The following JAM3 variants were observed in gnomAD, a reference collection of about 807,000 sequenced individuals.
JAM3 encodes the protein junctional adhesion molecule C.
JAM3 carries 31 observed loss-of-function variants against 39.4 expected under a neutral mutation model. The observed-to-expected ratio is 0.79, with a 90% CI of 0.59 to 1.06. The LOEUF is 1.06. Ranked by LOEUF, JAM3 falls within the 50% of genes least tolerant of loss-of-function variation. The pLI is 0.00. For missense variants in JAM3, 455 were observed against 391.4 expected, an observed-to-expected ratio of 1.16 and a Z score of -1.37; for synonymous variants, 182 against 148.7, an observed-to-expected ratio of 1.22 and a Z score of -1.63.
At chr11:134,139,617 G>A (rs1942937727) in intron 1 of JAM3, 4 of 547,762 alleles carry the variant, frequency 7.3e-6, no homozygotes, top group East Asian at 6.5e-5. Context: ...GGACTAAAAA[G>A]GAGAAGGAAT....
rs1008678716 is a variant in JAM3 at position 134,069,078 on chromosome 11, C to T, written c.-6C>T. 2.5e-6 allele frequency: 4 copies of T among 1,610,294 alleles called. No homozygotes were observed. Among genetic ancestry groups the T allele is most frequent in the East Asian group, 2.2e-5 (1 of 44,708 alleles). On this transcript the variant is annotated 5_prime_UTR_variant, in exon 1 of 9. Transcript: ENST00000299106. The stretch of plus-strand genomic sequence containing the variant: ...CGCTGCCGCTGGCCCCTCAGCAACC[C>T]TCGACATGGCGCTGAGGCGGCCACC...
intron 1 of JAM3, among the ~76,000 whole-genome samples, chr11:134,130,236 C>A (rs1942743070): frequency 6.6e-6 from 1 of 152,166 alleles, no homozygotes; most frequent in Non-Finnish European, 1.5e-5. Context: ...AGAATGAGAG[C>A]TCCGTTATCA....
intron 1 of JAM3, chr11:134,123,827 C>T: frequency 1.3e-6 from 1 of 775,250 alleles, no homozygotes. Context: ...TTTCTTTCTA[C>T]TGAACACAGC....
intron 1 of JAM3, among the ~76,000 whole-genome samples, chr11:134,077,036 T>C (rs943419817): frequency 1.3e-5 from 2 of 152,120 alleles, no homozygotes; most frequent in Non-Finnish European, 2.9e-5. Flanking sequence ...GGTTTTGCCA[T>C]GTTGGCCAGG....
chr11:134,077,095 A>G (rs997800024), intron 1 of JAM3, among the ~76,000 whole-genome samples: 1 of 152,006 alleles, frequency 6.6e-6, no homozygotes, highest in Non-Finnish European at 1.5e-5. Flanking sequence ...TTGGCCTCCT[A>G]AAGTGCTGGG....
At chr11:134,106,127 C>T (rs1328244040) in intron 1 of JAM3, among the ~76,000 whole-genome samples, 1 of 152,192 alleles carries the variant, frequency 6.6e-6, no homozygotes, top group Non-Finnish European at 1.5e-5. Context: ...ACCAAAACAG[C>T]ATGGTACTGG....
intron 1 of JAM3, 34 bp downstream of exon 1, chr11:134,069,193 G>A: frequency 6.2e-7 from 1 of 1,607,242 alleles, no homozygotes; most frequent in African/African-American, 1.3e-5. Context: ...TGGGAGACTA[G>A]GGTCTGGGGG....
chr11:134,088,399 T>A (rs1056720980), intron 1 of JAM3, among the ~76,000 whole-genome samples: 4 of 152,162 alleles, frequency 2.6e-5, no homozygotes, highest in South Asian at 2.1e-4. Flanking sequence ...CAACATTTTT[T>A]TTTTTATTTT....
chr11:134,129,140 G>A (rs112383736), intron 1 of JAM3, among the ~76,000 whole-genome samples: 1 of 96,084 alleles, frequency 1.0e-5, no homozygotes. Flanking sequence ...TTTTTTTTTT[G>A]ACAGAGTCTC....
chr11:134,148,804 CG>C lies in JAM3; in HGVS notation c.884del (p.Arg295ProfsTer15). On this transcript the variant is annotated frameshift_variant, in exon 8 of 9. Transcript: ENST00000299106. LOFTEE classifies it high-confidence loss of function. ...PGKPDGVNYI[R>X]TDEEGDFRHK... is the part of the protein sequence containing the mutation. The stretch of plus-strand genomic sequence containing the variant: ...GAAACCAGATGGAGTTAACTACATC[CG>C]CACTGACGAGGAGGTAATCATTTAG... The C allele has an allele frequency of 6.2e-7, 1 of 1,613,912 alleles. No homozygotes were observed. The highest frequency in any genetic ancestry group is 8.5e-7 in the Non-Finnish European group (1 of 1,179,844).
intron 1 of JAM3, among the ~76,000 whole-genome samples, chr11:134,138,819 A>G (rs1942921138): frequency 6.6e-6 from 1 of 152,192 alleles, no homozygotes; most frequent in South Asian, 2.1e-4. Context: ...CTTTTGCTAG[A>G]ATTAGTGAAA....
chr11:134,128,147 ATATTGT>A (rs1337488662), intron 1 of JAM3, among the ~76,000 whole-genome samples: 1 of 152,210 alleles, frequency 6.6e-6, no homozygotes, highest in Non-Finnish European at 1.5e-5. Flanking sequence ...CTGAGCTGAT[ATATTGT>A]TATTATCACT....
At chr11:134,086,807 T>G (rs470553) in intron 1 of JAM3, among the ~76,000 whole-genome samples, 5,176 of 152,068 alleles carry the variant, frequency 0.034, 254 homozygotes, top group East Asian at 0.25. Flanking sequence ...AGTGGTTTTT[T>G]TTGTTGTTGT....
At chr11:134,124,472 G>A in intron 1 of JAM3, 1 of 456,980 alleles carries the variant, frequency 2.2e-6, no homozygotes. Context: ...TATTCAACTT[G>A]TTTATTCCTT....
At chr11:134,116,914 T>A (rs1591792255) in intron 1 of JAM3, among the ~76,000 whole-genome samples, 1 of 152,176 alleles carries the variant, frequency 6.6e-6, no homozygotes, top group Non-Finnish European at 1.5e-5. Context: ...GCATATTCAT[T>A]CTTTGATGTG....
intron 1 of JAM3, among the ~76,000 whole-genome samples, chr11:134,132,923 TCTC>T (rs1942794631): frequency 6.6e-6 from 1 of 152,208 alleles, no homozygotes; most frequent in Non-Finnish European, 1.5e-5. Context: ...AGAGGCTTCT[TCTC>T]CTGAGTTTCT....
intron 1 of JAM3, among the ~76,000 whole-genome samples, chr11:134,112,451 A>C (rs1208633910): frequency 6.6e-6 from 1 of 152,014 alleles, no homozygotes; most frequent in African/African-American, 2.4e-5. Flanking sequence ...GTTTCAAGTC[A>C]CTCTATCTAA....
intron 1 of JAM3, among the ~76,000 whole-genome samples, chr11:134,112,512 C>T (rs1294369930): frequency 3.9e-5 from 6 of 152,154 alleles, no homozygotes; most frequent in African/African-American, 1.2e-4. Flanking sequence ...TATGCTGACA[C>T]AGATATACTT....
intron 1 of JAM3, among the ~76,000 whole-genome samples, chr11:134,120,052 C>T (rs1275253965): frequency 2.0e-5 from 3 of 151,934 alleles, no homozygotes; most frequent in Non-Finnish European, 4.4e-5. Flanking sequence ...ACCTCCCACC[C>T]CCCATTTTCT....
Sources: allele counts gnomAD v4.1 joint callset (sites outside exome capture counted in the v4.1 genomes callset), GRCh38; gene constraint gnomAD v4.1.1; transcripts MANE v1.5; gene names NCBI Gene and HGNC (gene_info 2026-07-23, HGNC 2026-07-21).